Variants in ZNF593OS observed in about 807,000 individuals in gnomAD.
ZNF593OS encodes transmembrane protein ZNF593OS.
chr1:26,170,660 C>T (rs986603089), exon 2 of ZNF593OS: 95 of 1,611,714 alleles, frequency 5.9e-5, no homozygotes, highest in Non-Finnish European at 7.8e-5. Context: ...CCCCAGGCGG[C>T]TGGCAGTGCC....
chr1:26,170,238 G>A (rs1455288527), downstream of ZNF593OS: 6 of 1,582,638 alleles, frequency 3.8e-6, no homozygotes, highest in South Asian at 3.4e-5. Context: ...GTACCGGCCG[G>A]GAGATGTGAA....
chr1:26,169,999 C>T (rs1466156719), downstream of ZNF593OS: 4 of 1,550,676 alleles, frequency 2.6e-6, no homozygotes, highest in Non-Finnish European at 2.6e-6. Flanking sequence ...TCGCTCCCGC[C>T]GGACAGGCGC....
downstream of ZNF593OS, chr1:26,170,346 T>A: frequency 6.4e-7 from 1 of 1,555,688 alleles, no homozygotes; most frequent in Non-Finnish European, 8.7e-7. Flanking sequence ...AGGGACAAGC[T>A]AGGGCTAGGG....
At chr1:26,170,148 G>T, downstream of ZNF593OS, 2 of 1,571,506 alleles carry the variant, frequency 1.3e-6, no homozygotes, top group South Asian at 1.2e-5. Context: ...ACCCCGACCT[G>T]CCAGGGGGCG....
exon 2 of ZNF593OS, chr1:26,170,797 C>T (rs1298376156): frequency 1.3e-6 from 2 of 1,521,476 alleles, no homozygotes; most frequent in African/African-American, 2.7e-5. Flanking sequence ...GTGCCAACCC[C>T]TTTTGCCTCT....
chr1:26,171,086 T>G lies in ZNF593OS; in HGVS notation c.*103A>C. 2.3e-6 allele frequency: 1 copy of G among 435,292 alleles called. No individual in the cohort carries two copies. The highest frequency in any genetic ancestry group is 3.3e-5 in the East Asian group (1 of 30,202). 27.0% of individuals were successfully genotyped at this position (435,292 alleles called of 1,614,324 possible). On this transcript the variant is annotated 3_prime_UTR_variant, in exon 2 of 2. Transcript: ENST00000648649. This position sits in a 1 kb window ranked among gnomAD's most constrained non-coding sequence, Gnocchi z 5.5. ...GGAGTGGGATCAGATTACTCTGTCC[T>G]GCTTCTGACAGAGACTGATCCCCAG...
chr1:26,169,816 C>T, downstream of ZNF593OS: 2 of 719,736 alleles, frequency 2.8e-6, no homozygotes, highest in Non-Finnish European at 4.2e-6. Flanking sequence ...TCGACGGCCG[C>T]CTGGCGGCGC....
At chr1:26,170,360 T>G, downstream of ZNF593OS, 2 of 1,573,214 alleles carry the variant, frequency 1.3e-6, no homozygotes, top group Non-Finnish European at 1.7e-6. Flanking sequence ...GCTAGGGAGA[T>G]AGGTGCACTT....
downstream of ZNF593OS, chr1:26,170,051 G>T: frequency 6.4e-7 from 1 of 1,572,860 alleles, no homozygotes; most frequent in Non-Finnish European, 8.6e-7. Context: ...AAGGCGAAGC[G>T]GCGGCGGCCG....
At chr1:26,170,387 C>T (rs762881919), downstream of ZNF593OS, 4 of 1,602,366 alleles carry the variant, frequency 2.5e-6, no homozygotes, top group Non-Finnish European at 3.4e-6. Context: ...CTATCACCTC[C>T]TCACTCTCCT....
downstream of ZNF593OS, chr1:26,170,269 A>T (rs2088474256): frequency 6.4e-7 from 1 of 1,551,350 alleles, no homozygotes. Flanking sequence ...CAGGCAGCGC[A>T]GAGTCTTCTC....
At chr1:26,170,179 T>G (rs756520057), downstream of ZNF593OS, 1 of 1,572,438 alleles carries the variant, frequency 6.4e-7, no homozygotes, top group Non-Finnish European at 8.6e-7. Context: ...CTGTCTGGCC[T>G]GCGCGTGAGT....
downstream of ZNF593OS, chr1:26,170,309 C>G (rs933855186): frequency 2.0e-6 from 3 of 1,527,328 alleles, no homozygotes; most frequent in African/African-American, 4.1e-5. Flanking sequence ...GCCCGCCTCC[C>G]GTTTCTCAGA....
downstream of ZNF593OS, chr1:26,170,112 C>A: frequency 6.4e-7 from 1 of 1,569,928 alleles, no homozygotes; most frequent in Non-Finnish European, 8.6e-7. Flanking sequence ...CCGCACGACC[C>A]CAGCCCGACC....
At chr1:26,170,235 C>T, downstream of ZNF593OS, 1 of 1,581,320 alleles carries the variant, frequency 6.3e-7, no homozygotes, top group South Asian at 1.1e-5. Context: ...GCGGTACCGG[C>T]CGGGAGATGT....
chr1:26,169,856 A>G, downstream of ZNF593OS: 35 of 1,025,076 alleles, frequency 3.4e-5, no homozygotes, highest in Middle Eastern at 1.6e-3. Context: ...TGACGTCATC[A>G]GAGGCGGTCC....
downstream of ZNF593OS, chr1:26,169,808 G>A: frequency 1.5e-6 from 1 of 670,420 alleles, no homozygotes; most frequent in Non-Finnish European, 2.3e-6. Context: ...CACTGACGTC[G>A]ACGGCCGCCT....
chr1:26,169,652 C>G, downstream of ZNF593OS: 1 of 410,476 alleles, frequency 2.4e-6, no homozygotes, highest in Non-Finnish European at 4.3e-6. Flanking sequence ...GGCACTGATA[C>G]TGGTTGGACC....
exon 2 of ZNF593OS, chr1:26,170,651 C>G (rs768391164): frequency 6.2e-7 from 1 of 1,612,470 alleles, no homozygotes; most frequent in African/African-American, 1.3e-5. Context: ...CTATGTGCCC[C>G]CCAGGCGGCT....
Sources: allele counts gnomAD v4.1 joint callset, GRCh38; gene constraint gnomAD v4.1.1; non-coding constraint Gnocchi (gnomAD v3.1); transcripts MANE v1.5; gene names NCBI Gene and HGNC (gene_info 2026-07-23, HGNC 2026-07-21).